NEDD4L: variants seen among roughly 807,000 people sequenced by gnomAD.
NEDD4L encodes the protein E3 ubiquitin-protein ligase NEDD4-like.
Under a neutral mutation model 148.9 loss-of-function variants are expected in NEDD4L, and 54 were observed. The observed-to-expected ratio is 0.36, with a 90% CI of 0.29 to 0.45. The LOEUF (loss-of-function observed/expected upper bound fraction) is 0.45. Ranked by LOEUF, NEDD4L falls within the 20% of genes least tolerant of loss-of-function variation. NEDD4L has a pLI of 1.00. For synonymous variants in NEDD4L, 433 were observed against 440.7 expected, an observed-to-expected ratio of 0.98 and a Z score of 0.22; for missense variants, 856 against 1,233.8, an observed-to-expected ratio of 0.69 and a Z score of 4.59.
chr18:58,157,593 T>C (rs1389885439), intron 1 of NEDD4L, among the ~76,000 whole-genome samples: 1 of 152,182 alleles, frequency 6.6e-6, no homozygotes. Flanking sequence ...AATGATCATG[T>C]ATCTTAAGTT....
intron 5 of NEDD4L, among the ~76,000 whole-genome samples, chr18:58,307,419 AC>A (rs1235906597): frequency 6.6e-6 from 1 of 151,998 alleles, no homozygotes; most frequent in Non-Finnish European, 1.5e-5. Flanking sequence ...TGTGACAAGG[AC>A]CCCTCTTAAG....
chr18:58,101,585 C>T (rs2084755529), intron 1 of NEDD4L, among the ~76,000 whole-genome samples: 1 of 152,158 alleles, frequency 6.6e-6, no homozygotes, highest in African/African-American at 2.4e-5. Flanking sequence ...GCTCATTGCA[C>T]TGGGCCTGCG....
intron 5 of NEDD4L, among the ~76,000 whole-genome samples, chr18:58,293,719 C>A (rs1376277486): frequency 6.6e-6 from 1 of 152,062 alleles, no homozygotes; most frequent in Non-Finnish European, 1.5e-5. Flanking sequence ...ATAAGATCTC[C>A]TGTTTACTCA....
At chr18:58,368,049 G>C (rs893847171) in intron 22 of NEDD4L, among the ~76,000 whole-genome samples, 182 bp downstream of exon 22, 7 of 152,108 alleles carry the variant, frequency 4.6e-5, no homozygotes, top group African/African-American at 1.7e-4. Flanking sequence ...TGAAGACATA[G>C]TGTCTACACA....
chr18:58,084,674 T>TGTGGGTGGGG (rs566834630), intron 1 of NEDD4L, among the ~76,000 whole-genome samples: 4 of 138,500 alleles, frequency 2.9e-5, no homozygotes, highest in Non-Finnish European at 4.6e-5. Context: ...GGGGTTTTTG[T>TGTGGGTGGGG]GTGTGTGTGT....
chr18:58,127,840 CAA>C (rs113559692), intron 1 of NEDD4L, among the ~76,000 whole-genome samples: 3 of 114,132 alleles, frequency 2.6e-5, no homozygotes, highest in Non-Finnish European at 3.4e-5. Context: ...GACTCCGTCT[CAA>C]AAAAAAAAAA....
intron 2 of NEDD4L, among the ~76,000 whole-genome samples, chr18:58,219,998 A>G (rs547276837): frequency 6.6e-5 from 10 of 152,338 alleles, no homozygotes; most frequent in African/African-American, 2.2e-4. Flanking sequence ...GCTTAATTTG[A>G]TAGTTTTAGA....
At chr18:58,290,117 T>C (rs1396285087) in intron 5 of NEDD4L, among the ~76,000 whole-genome samples, 1 of 152,192 alleles carries the variant, frequency 6.6e-6, no homozygotes, top group Non-Finnish European at 1.5e-5. Flanking sequence ...TCCTAGACAT[T>C]AGACTTCAGA....
At chr18:58,175,991 C>G (rs1293483932) in intron 2 of NEDD4L, among the ~76,000 whole-genome samples, 1 of 152,226 alleles carries the variant, frequency 6.6e-6, no homozygotes, top group Non-Finnish European at 1.5e-5. Flanking sequence ...GGGAGGCTTG[C>G]TGTGCAATAT....
intron 24 of NEDD4L, among the ~76,000 whole-genome samples, chr18:58,375,914 A>G (rs1052695191): frequency 1.3e-5 from 2 of 152,192 alleles, no homozygotes; most frequent in African/African-American, 4.8e-5. Flanking sequence ...TAAACTGCCA[A>G]TTTTCAAACG....
Position 58,373,609 on chromosome 18 carries a change from T to C in NEDD4L, c.2352+340T>C, listed in dbSNP as rs1274170837. Among the ~76,000 whole-genome samples, 3 of 152,238 alleles carry C rather than the reference T, an allele frequency of 2.0e-5. No individual in the cohort carries two copies. The South Asian group carries it at 6.2e-4, about 32-fold the overall frequency. On this transcript the variant is annotated intron_variant, in intron 24 of 30. Transcript: ENST00000400345. ...TAGTGAGATTGTTGACTTAGCGATG[T>C]AAATACATGACCAGGAGTGGGTGAT... is the stretch of plus-strand genomic sequence containing the variant.
intron 2 of NEDD4L, chr18:58,221,639 T>C (rs1599860911): frequency 7.1e-6 from 7 of 985,258 alleles, no homozygotes; most frequent in Non-Finnish European, 8.4e-6. Flanking sequence ...GCTTTAAAAC[T>C]GGGAAGGAGG....
At chr18:58,271,454 G>A (rs2051032090) in intron 5 of NEDD4L, among the ~76,000 whole-genome samples, 1 of 152,006 alleles carries the variant, frequency 6.6e-6, no homozygotes, top group African/African-American at 2.4e-5. Context: ...ATCACTTTTT[G>A]GTAATGGCTA....
At chr18:58,180,456 A>C (rs535381313) in intron 2 of NEDD4L, among the ~76,000 whole-genome samples, 10 of 152,104 alleles carry the variant, frequency 6.6e-5, no homozygotes, top group Non-Finnish European at 1.0e-4. Flanking sequence ...CTCTAGTCCC[A>C]CATCGGCCCA....
chr18:58,053,470 G>A (rs2081969097), intron 1 of NEDD4L, among the ~76,000 whole-genome samples: 1 of 151,992 alleles, frequency 6.6e-6, no homozygotes, highest in Non-Finnish European at 1.5e-5. Context: ...CACCACGCCC[G>A]GCTAATTTTT....
intron 8 of NEDD4L, among the ~76,000 whole-genome samples, chr18:58,324,472 C>T (rs561029395): frequency 6.6e-6 from 1 of 152,306 alleles, no homozygotes; most frequent in South Asian, 2.1e-4. Context: ...TCAAAGCCCA[C>T]CTCCCTGGGG....
chr18:58,200,645 C>T (rs995573693), intron 2 of NEDD4L, among the ~76,000 whole-genome samples: 4 of 152,172 alleles, frequency 2.6e-5, no homozygotes, highest in South Asian at 2.1e-4. Flanking sequence ...GCTTTAGGTT[C>T]GTGAACCCCA....
At chr18:58,060,188 G>A (rs893610897) in intron 1 of NEDD4L, among the ~76,000 whole-genome samples, 2 of 152,138 alleles carry the variant, frequency 1.3e-5, no homozygotes, top group Admixed American at 6.5e-5. Flanking sequence ...TGGCCAGACT[G>A]TAAAAGCCAA....
At chr18:58,340,272 C>T (rs892165333) in intron 13 of NEDD4L, among the ~76,000 whole-genome samples, 1 of 152,302 alleles carries the variant, frequency 6.6e-6, no homozygotes, top group East Asian at 1.9e-4. Context: ...TCTCAGGGAT[C>T]TTCTTGTGAT....
Sources: gnomAD v4.1 joint callset for allele counts (sites outside exome capture counted in the v4.1 genomes callset) on GRCh38, gnomAD v4.1.1 for gene constraint, MANE v1.5 for transcripts, NCBI Gene and HGNC (gene_info 2026-07-23, HGNC 2026-07-21) for gene names.